SLC10A6: variants seen among roughly 807,000 people sequenced by gnomAD.
SLC10A6 encodes the protein solute carrier family 10 member 6.
Under a neutral mutation model 30.0 loss-of-function variants are expected in SLC10A6, and 27 were observed. That is an observed-to-expected ratio of 0.90 (90% confidence interval 0.66 to 1.24). The LOEUF is 1.24. Among genes scored for constraint, SLC10A6 ranks in the 50% most tolerant of loss-of-function variants. SLC10A6 has a pLI of 0.00. For missense variants in SLC10A6, 439 were observed against 457.0 expected (o/e 0.96, Z 0.36); for synonymous variants, 166 against 173.8 (o/e 0.95, Z 0.36).
At chr4:86,837,287 A>AAAGAAAGAAAGAAAG (rs1560460369) in intron 1 of SLC10A6, among the ~76,000 whole-genome samples, 1 of 71,898 alleles carries the variant, frequency 1.4e-5, no homozygotes, top group Non-Finnish European at 2.6e-5. Flanking sequence ...AAGAAAGAAA[A>AAAGAAAGAAAGAAAG]AGAAAGGAAG....
chr4:86,837,611 C>T, intron 1 of SLC10A6: 1 of 985,388 alleles, frequency 1.0e-6, no homozygotes, highest in Non-Finnish European at 1.2e-6. Context: ...TCTATTCTTT[C>T]CATCTCAGTC....
intron 1 of SLC10A6, among the ~76,000 whole-genome samples, chr4:86,842,796 T>C (rs548612324): frequency 2.2e-3 from 11 of 4,932 alleles, no homozygotes; most frequent in Admixed American, 4.5e-3. Flanking sequence ...TTTTCTTTCT[T>C]TCTTTCTTTC....
intron 1 of SLC10A6, among the ~76,000 whole-genome samples, chr4:86,840,921 CT>C (rs1282757807): frequency 2.0e-5 from 3 of 152,126 alleles, no homozygotes; most frequent in African/African-American, 7.2e-5. Context: ...AGAATGCTTA[CT>C]TTAAGCAAAG....
At chr4:86,832,689 G>A (rs1291118732) in intron 2 of SLC10A6, among the ~76,000 whole-genome samples, 2 of 152,004 alleles carry the variant, frequency 1.3e-5, no homozygotes, top group Non-Finnish European at 2.9e-5. Context: ...TTCTAAGCTT[G>A]CTAAACCCAC....
intron 1 of SLC10A6, among the ~76,000 whole-genome samples, chr4:86,842,950 C>A (rs1746332110): frequency 6.6e-6 from 1 of 150,868 alleles, no homozygotes; most frequent in African/African-American, 2.4e-5. Context: ...CGGCTCACAG[C>A]AACCTCTGCC....
At chr4:86,838,749 C>G (rs540155149) in intron 1 of SLC10A6, among the ~76,000 whole-genome samples, 1 of 151,230 alleles carries the variant, frequency 6.6e-6, no homozygotes, top group African/African-American at 2.4e-5. Flanking sequence ...ATGGTGAAAC[C>G]CCATCTCTAA....
At chr4:86,835,191 C>T (rs1304663023) in intron 1 of SLC10A6, among the ~76,000 whole-genome samples, 1 of 152,208 alleles carries the variant, frequency 6.6e-6, no homozygotes, top group African/African-American at 2.4e-5. Context: ...CACGCAAACA[C>T]CACATGCCAT....
rs887239973 is a variant in SLC10A6, at chr4:86,825,521, AT to A, written c.817del (p.Met273CysfsTer15). The A allele has an allele frequency of 6.2e-7, 1 of 1,612,818 alleles. No homozygotes were observed. The highest frequency in any genetic ancestry group is 1.7e-5 in the Admixed American group (1 of 60,022). On this transcript the variant is annotated frameshift_variant, in exon 5 of 6. Coordinates refer to ENST00000273905, the MANE Select transcript of SLC10A6 (RefSeq NM_197965.3). LOFTEE classifies it high-confidence loss of function. The part of the protein sequence containing the change: ...GAQNIQMCIT[M>X]LQLSFTAEHL... ...CTCAGCAGTGAAAGATAACTGGAGC[AT>A]GGTGATGCACATCTGAATATTCTGA...
intron 1 of SLC10A6, among the ~76,000 whole-genome samples, chr4:86,835,700 C>G (rs1450347138): frequency 7.5e-6 from 1 of 132,774 alleles, no homozygotes; most frequent in Non-Finnish European, 1.6e-5. Context: ...CGAAAAGACA[C>G]AAGAAAAGAA....
intron 1 of SLC10A6, among the ~76,000 whole-genome samples, chr4:86,844,028 A>T (rs369198022): frequency 2.6e-5 from 4 of 152,132 alleles, no homozygotes; most frequent in African/African-American, 9.6e-5. Context: ...AATACAAAAA[A>T]TCAGCCAGGT....
intron 1 of SLC10A6, among the ~76,000 whole-genome samples, chr4:86,839,755 G>C (rs1746259149): frequency 6.6e-6 from 1 of 151,992 alleles, no homozygotes; most frequent in South Asian, 2.1e-4. Flanking sequence ...CTATGTAAAA[G>C]TCTGTGTTTT....
At chr4:86,830,894 T>C (rs889589166) in intron 3 of SLC10A6, among the ~76,000 whole-genome samples, 1 of 152,152 alleles carries the variant, frequency 6.6e-6, no homozygotes, top group Non-Finnish European at 1.5e-5. Context: ...GCTAAAGTGA[T>C]ACATAATCAG....
chr4:86,828,086 T>C lies in SLC10A6; in HGVS notation c.668A>G (p.Asp223Gly). 1 of 1,613,870 alleles carries C rather than the reference T, an allele frequency of 6.2e-7. No individual in the cohort carries two copies. The highest frequency in any genetic ancestry group is 8.5e-7 in the Non-Finnish European group (1 of 1,179,900). Residue 223 changes from aspartate (D) to glycine (G), a missense_variant, in exon 4 of 6, where the codon GAC becomes GGC. Coordinates refer to ENST00000273905, the MANE Select transcript of SLC10A6 (RefSeq NM_197965.3). ...VVLAKGSWNSDITLLTISFIF... is the reference protein window; with the variant it reads ...VVLAKGSWNSGITLLTISFIF... ...GAAACTGATGGTCAGAAGGGTGATGTCTGAATTCCAAGATCCTTTCGCCAG... is the reference window on the plus strand; with the variant it reads ...GAAACTGATGGTCAGAAGGGTGATGCCTGAATTCCAAGATCCTTTCGCCAG...
At chr4:86,848,354 C>T (rs1746426899) in intron 1 of SLC10A6, among the ~76,000 whole-genome samples, 1 of 152,170 alleles carries the variant, frequency 6.6e-6, no homozygotes, top group African/African-American at 2.4e-5. Context: ...ACTGACACAA[C>T]CACGACGGCT....
chr4:86,840,869 T>C (rs1578759292), intron 1 of SLC10A6, among the ~76,000 whole-genome samples: 1 of 152,362 alleles, frequency 6.6e-6, no homozygotes, highest in East Asian at 1.9e-4. Context: ...TTCTTGCTTA[T>C]ATTTTATTCC....
rs1415029103 is a variant in SLC10A6, at chr4:86,849,101, A to C, written c.15T>G (p.Cys5Trp). ...TGGCAGGGCAGGCTGAGCTGCTGGAACAATTGGCTCTCATCTCCTCATCTC... is the reference window on the plus strand; with the variant it reads ...TGGCAGGGCAGGCTGAGCTGCTGGACCAATTGGCTCTCATCTCCTCATCTC... MRANCSSSSACPANS... is the reference protein window; with the variant it reads MRANWSSSSACPANS... Residue 5 changes from cysteine to tryptophan, a missense_variant, in exon 1 of 6, where the codon TGT becomes TGG. Physicochemically the swap from Cys to Trp is radical, Grantham distance 215. Coordinates refer to ENST00000273905, the MANE Select transcript of SLC10A6 (RefSeq NM_197965.3). The C allele has an allele frequency of 1.2e-6, 2 of 1,613,176 alleles. No individual in the cohort carries two copies. Among genetic ancestry groups the C allele is most frequent in the Non-Finnish European group, 1.7e-6 (2 of 1,179,646 alleles).
intron 3 of SLC10A6, among the ~76,000 whole-genome samples, chr4:86,830,485 G>A (rs1420193795): frequency 6.6e-6 from 1 of 152,162 alleles, no homozygotes; most frequent in Non-Finnish European, 1.5e-5. Flanking sequence ...TGAAAATCAG[G>A]TGTGCACTAT....
At chr4:86,844,148 A>G (rs371792671) in intron 1 of SLC10A6, among the ~76,000 whole-genome samples, 1 of 152,226 alleles carries the variant, frequency 6.6e-6, no homozygotes, top group Non-Finnish European at 1.5e-5. Context: ...ACTGCACTCC[A>G]GCCTGGGTGA....
At chr4:86,839,927 T>TG (rs1483976456) in intron 1 of SLC10A6, among the ~76,000 whole-genome samples, 1 of 151,524 alleles carries the variant, frequency 6.6e-6, no homozygotes, top group Non-Finnish European at 1.5e-5. Flanking sequence ...TTTTTTTTTT[T>TG]TAGCTGGAGC....
Sources: gnomAD v4.1 joint callset for allele counts (sites outside exome capture counted in the v4.1 genomes callset) on GRCh38, gnomAD v4.1.1 for gene constraint, MANE v1.5 for transcripts, NCBI Gene and HGNC (gene_info 2026-07-23, HGNC 2026-07-21) for gene names.